The following HTR1A variants were observed in gnomAD, a reference collection of about 807,000 sequenced individuals.
HTR1A encodes 5-HT1a receptor.
Under a neutral mutation model 24.6 loss-of-function variants are expected in HTR1A, and 17 were observed. That is an observed-to-expected ratio of 0.69 (90% CI 0.47 to 1.04). The LOEUF is 1.04. Among genes scored for constraint, HTR1A ranks in the 50% least tolerant of loss-of-function variants. The probability of loss-of-function intolerance (pLI) is 0.00; values close to 1 mark genes in which losing one functional copy is unlikely to be tolerated. For synonymous variants in HTR1A, 262 were observed against 244.6 expected (o/e 1.07, Z -0.67); for missense variants, 515 against 565.1 (o/e 0.91, Z 0.90).
chr5:63,961,298 G>T lies in HTR1A; in HGVS notation c.422C>A (p.Pro141His). Residue 141 changes from proline to histidine, a missense_variant, in exon 1 of 1, where the codon CCC becomes CAC. Pro to His is a moderately conservative substitution (Grantham distance 77). Around this residue, in one of 3 missense-constraint regions of HTR1A, gnomAD observed 381 missense variants for 384.5 expected, o/e 0.99. Coordinates refer to ENST00000323865, the MANE Select transcript of HTR1A (RefSeq NM_000524.4). Reference sequence around the variant, plus strand: ...CGTCCTCTTGTTCACGTAGTCGATGGGGTCCGTGATGGCCCAGTACCTGTC... The same window carrying T: ...CGTCCTCTTGTTCACGTAGTCGATGTGGTCCGTGATGGCCCAGTACCTGTC... ...ALDRYWAITD[P>H]IDYVNKRTPR... The T allele has an allele frequency of 6.2e-7, 1 of 1,614,118 alleles. No individual in the cohort carries two copies. The highest frequency in any genetic ancestry group is 8.5e-7 in the Non-Finnish European group (1 of 1,179,990).
Position 63,961,640 on chromosome 5 carries a change from C to G in HTR1A, c.80G>C (p.Gly27Ala). The change falls in exon 1 of 1, where the codon GGT (glycine) becomes GCT (alanine). Residue 27 changes from glycine to alanine, a missense_variant. Transcript: ENST00000323865. ...GTAGCTGACGGTCACGTCGGAGATA[C>G]CAGTAGTGTTGCCGCCGGTCTCAAA... ...APFETGGNTTGISDVTVSYQV... is the reference protein window; with the variant it reads ...APFETGGNTTAISDVTVSYQV... The G allele has an allele frequency of 6.2e-7, 1 of 1,613,896 alleles. No homozygotes were observed. The highest frequency in any genetic ancestry group is 8.5e-7 in the Non-Finnish European group (1 of 1,180,036).
rs1160086775 is a variant in HTR1A, at chr5:63,959,819, A to G, written c.*632T>C. 6.6e-6 allele frequency among the ~76,000 whole-genome samples: 1 copy of G among 152,204 alleles called. No individual in the cohort carries two copies. Among genetic ancestry groups the G allele is most frequent in the Non-Finnish European group, 1.5e-5 (1 of 68,034 alleles). ...TCTCAAGTCTGCGAGAAGACGGGGAATCCCGGGGGCACCGCTGGCACGGGG... is the reference window on the plus strand; with the variant it reads ...TCTCAAGTCTGCGAGAAGACGGGGAGTCCCGGGGGCACCGCTGGCACGGGG... On this transcript the variant is annotated 3_prime_UTR_variant, in exon 1 of 1. Coordinates refer to ENST00000323865, the MANE Select transcript of HTR1A (RefSeq NM_000524.4).
In HTR1A at chr5:63,961,710, G is replaced by C; in HGVS notation, c.10C>G (p.Leu4Val). Residue 4 changes from leucine to valine, a missense_variant, in exon 1 of 1, where the codon CTC (leucine) becomes GTC (valine). Leu to Val is a conservative substitution (Grantham distance 32, BLOSUM62 1). Transcript: ENST00000323865. MDV[L>V]SPGQGNNTTS... ...GTGTTGTTGCCCTGACCAGGGCTGAGCACATCCATGCCTGCGCGCCCGGCG... is the reference window on the plus strand; with the variant it reads ...GTGTTGTTGCCCTGACCAGGGCTGACCACATCCATGCCTGCGCGCCCGGCG... 6.2e-7 allele frequency: 1 copy of C among 1,613,810 alleles called. No individual in the cohort carries two copies. The highest frequency in any genetic ancestry group is 8.5e-7 in the Non-Finnish European group (1 of 1,180,048).
chr5:63,959,767 G>T lies in HTR1A; in HGVS notation c.*684C>A, dbSNP rs557317231. 2.6e-5 allele frequency among the ~76,000 whole-genome samples: 4 copies of T among 152,314 alleles called. No individual in the cohort carries two copies. The highest frequency in any genetic ancestry group is 9.6e-5 in the African/African-American group (4 of 41,572). ...GAGTCCAAGGAAACAAAGGAAATAG[G>T]GGTTGTGCACTGCACGAGAGAGTTA... On this transcript the variant is annotated 3_prime_UTR_variant, in exon 1 of 1. Coordinates refer to ENST00000323865, the MANE Select transcript of HTR1A (RefSeq NM_000524.4).
In HTR1A at chr5:63,959,129, G is replaced by A. The variant is rs1185584058; in HGVS notation, c.*1322C>T. Among the ~76,000 whole-genome samples, 1 of 152,232 alleles carries A rather than the reference G, an allele frequency of 6.6e-6. No individual in the cohort carries two copies. Among genetic ancestry groups the A allele is most frequent in the East Asian group, 1.9e-4 (1 of 5,190 alleles). On this transcript the variant is annotated 3_prime_UTR_variant, in exon 1 of 1. Coordinates refer to ENST00000323865, the MANE Select transcript of HTR1A (RefSeq NM_000524.4). Reference sequence around the variant, plus strand: ...TTATTCCCCGATCCAAAAAGGACAAGAGCGTGAATTAGGAGGAAAAATTCT... The same window carrying A: ...TTATTCCCCGATCCAAAAAGGACAAAAGCGTGAATTAGGAGGAAAAATTCT...
chr5:63,959,669 CT>C lies in HTR1A; in HGVS notation c.*781del, dbSNP rs1345430265. ...AAGTGGTCTGCACACCCTCCTCCTC[CT>C]TGCTCTCCCCCACTGGCCCGGCCTT... On this transcript the variant is annotated 3_prime_UTR_variant, in exon 1 of 1. Transcript: ENST00000323865. Among the ~76,000 whole-genome samples the C allele has an allele frequency of 6.6e-6, 1 of 152,232 alleles. No homozygotes were observed. Among genetic ancestry groups the C allele is most frequent in the Non-Finnish European group, 1.5e-5 (1 of 68,034 alleles).
At position 63,959,967 on chromosome 5, in the gene HTR1A, G is replaced by A. The variant is rs1292521924; in HGVS notation, c.*484C>T. Among the ~76,000 whole-genome samples the A allele has an allele frequency of 6.6e-6, 1 of 152,198 alleles. No individual in the cohort carries two copies. The highest frequency in any genetic ancestry group is 1.5e-5 in the Non-Finnish European group (1 of 68,040). ...GGGGAGAAAAAGGTGAATATTTCAA[G>A]GGCCACAGGGCGGGAGAGATGGAGC... On this transcript the variant is annotated 3_prime_UTR_variant, in exon 1 of 1. Transcript: ENST00000323865.
Position 63,961,585 on chromosome 5 carries a change from C to T in HTR1A, c.135G>A (p.Thr45=), listed in dbSNP as rs776942675. ...TGCCCAGCACCGCGCAGAAGATGAG[C>T]GTGCCCAGCAGCAGAGAGGTGATCA... ...YQVITSLLLG[T]LIFCAVLGNA... Residue 45 remains threonine (T), a synonymous_variant, in exon 1 of 1, where the codon ACG becomes ACA. Transcript: ENST00000323865. The T allele has an allele frequency of 1.9e-6, 3 of 1,614,134 alleles. No individual in the cohort carries two copies. Among genetic ancestry groups the T allele is most frequent in the Non-Finnish European group, 2.5e-6 (3 of 1,180,040 alleles).
chr5:63,960,503 T>C lies in HTR1A; in HGVS notation c.1217A>G (p.Asp406Gly). ...NPVIYAYFNK[D>G]FQNAFKKIIK... ...GATCTTCTTAAACGCGTTTTGAAAG[T>C]CCTTGTTGAAGTATGCGTAAATGAC... is the stretch of plus-strand genomic sequence containing the variant. The change falls in exon 1 of 1, where the codon GAC becomes GGC. Residue 406 changes from aspartate to glycine, a missense_variant. By Grantham distance (94) the Asp-to-Gly change is moderately conservative. Coordinates refer to ENST00000323865, the MANE Select transcript of HTR1A (RefSeq NM_000524.4). 1 of 1,614,228 alleles carries C rather than the reference T, an allele frequency of 6.2e-7. No individual in the cohort carries two copies. The highest frequency in any genetic ancestry group is 8.5e-7 in the Non-Finnish European group (1 of 1,180,042).
At position 63,961,747 on chromosome 5, in the gene HTR1A, A is replaced by C. The variant is rs201479355; in HGVS notation, c.-28T>G. 7.4e-6 allele frequency: 12 copies of C among 1,612,270 alleles called. No homozygotes were observed. In the African/African-American group the frequency reaches 1.6e-4, roughly 21 times the overall value. On this transcript the variant is annotated 5_prime_UTR_variant, in exon 1 of 1. Transcript: ENST00000323865. ...CTGCGCGCCCGGCGCGGGAAGGGGGAGGGAAGAAAAAGCAGCGCGAAGATT... is the reference window on the plus strand; with the variant it reads ...CTGCGCGCCCGGCGCGGGAAGGGGGCGGGAAGAAAAAGCAGCGCGAAGATT...
rs570704585 is a variant in HTR1A, at chr5:63,959,419, C to T, written c.*1032G>A. On this transcript the variant is annotated 3_prime_UTR_variant, in exon 1 of 1. Transcript: ENST00000323865. The stretch of plus-strand genomic sequence containing the variant: ...TCCTGTAAGTCAGCAGCCGGGAGCG[C>T]CTAGCGCGCTGCGAGAGCACAGATG... Among the ~76,000 whole-genome samples the T allele has an allele frequency of 1.6e-4, 25 of 152,360 alleles. 1 individual carries two copies. Among genetic ancestry groups the T allele is most frequent in the African/African-American group, 6.0e-4 (25 of 41,590 alleles).
At position 63,958,028 on chromosome 5, in the gene HTR1A, C is replaced by CA. The variant is rs1471733553; in HGVS notation, c.*2422dup. 1.3e-5 allele frequency: 2 copies of CA among 152,286 alleles called. No individual in the cohort carries two copies. The highest frequency in any genetic ancestry group is 3.9e-4 in the East Asian group (2 of 5,186). The allele number at this position is 152,286 out of a possible 1,614,324, so 9.4% of individuals were successfully genotyped here. On this transcript the variant is annotated 3_prime_UTR_variant, in exon 1 of 1. Coordinates refer to ENST00000323865, the MANE Select transcript of HTR1A (RefSeq NM_000524.4). ...TTGTCACACAATTCTGTAAAAGACA[C>CA]AAATAAATGGAAGTCTCAAAACTTC...
rs987797166 is a variant in HTR1A at position 63,959,172 on chromosome 5, T to C, written c.*1279A>G. Among the ~76,000 whole-genome samples the C allele has an allele frequency of 2.0e-5, 3 of 152,272 alleles. No individual in the cohort carries two copies. Among genetic ancestry groups the C allele is most frequent in the South Asian group, 2.1e-4 (1 of 4,826 alleles). ...AAAATTCTACATCGTAAGGATAAAA[T>C]TGCTCTTTCAGGTTTTACTGGGGGA... On this transcript the variant is annotated 3_prime_UTR_variant, in exon 1 of 1. Transcript: ENST00000323865.
Position 63,959,915 on chromosome 5 carries a change from G to A in HTR1A, c.*536C>T, listed in dbSNP as rs1009367751. Among the ~76,000 whole-genome samples the A allele has an allele frequency of 6.6e-6, 1 of 152,018 alleles. No homozygotes were observed. Among genetic ancestry groups the A allele is most frequent in the Non-Finnish European group, 1.5e-5 (1 of 68,030 alleles). On this transcript the variant is annotated 3_prime_UTR_variant, in exon 1 of 1. Coordinates refer to ENST00000323865, the MANE Select transcript of HTR1A (RefSeq NM_000524.4). ...AGGATGGGCGAGGGCAGAGAGGGAA[G>A]CAATGAAAAAAAGAAAAGATAAAAA...
At position 63,961,483 on chromosome 5, in the gene HTR1A, C is replaced by T. The variant is rs1372481454; in HGVS notation, c.237G>A (p.Ala79=). 3.7e-6 allele frequency: 6 copies of T among 1,613,922 alleles called. No homozygotes were observed. Among genetic ancestry groups the T allele is most frequent in the Middle Eastern group, 1.6e-4 (1 of 6,084 alleles). ...NVANYLIGSL[A]VTDLMVSVLV... is the part of the protein sequence containing the mutation. The stretch of plus-strand genomic sequence containing the variant: ...ACACCGACACCATGAGGTCGGTGAC[C>T]GCCAAAGAGCCAATAAGATAATTGG... Residue 79 remains alanine, a synonymous_variant, in exon 1 of 1, where the codon GCG becomes GCA. Transcript: ENST00000323865.
rs1043963702 is a variant in HTR1A, at chr5:63,958,848, C to T, written c.*1603G>A. On this transcript the variant is annotated 3_prime_UTR_variant, in exon 1 of 1. Coordinates refer to ENST00000323865, the MANE Select transcript of HTR1A (RefSeq NM_000524.4). The stretch of plus-strand genomic sequence containing the variant: ...TGGTTTCCGCAGACCCTTGGTACAG[C>T]AGAATGGTCACGCTAGGGAGCAATT... Among the ~76,000 whole-genome samples the T allele has an allele frequency of 1.3e-5, 2 of 152,302 alleles. No homozygotes were observed. The highest frequency in any genetic ancestry group is 2.4e-5 in the African/African-American group (1 of 41,570).
In HTR1A at chr5:63,961,656, C is replaced by T. The variant is rs1799920; in HGVS notation, c.64G>A (p.Gly22Ser). ...TTSPPAPFETGGNTTGISDVT... is the reference protein window; with the variant it reads ...TTSPPAPFETSGNTTGISDVT... ...TCGGAGATACCAGTAGTGTTGCCGC[C>T]GGTCTCAAAGGGAGCCGGTGGTGAT... Residue 22 changes from glycine (G) to serine (S), a missense_variant, in exon 1 of 1, where the codon GGC (glycine) becomes AGC (serine). Gly to Ser is a moderately conservative substitution (Grantham distance 56, BLOSUM62 0). Around this residue, in one of 3 missense-constraint regions of HTR1A, gnomAD observed 54 missense variants for 49.8 expected, o/e 1.08. Coordinates refer to ENST00000323865, the MANE Select transcript of HTR1A (RefSeq NM_000524.4). 1.4e-4 allele frequency: 220 copies of T among 1,613,734 alleles called. No individual in the cohort carries two copies. Among genetic ancestry groups the T allele is most frequent in the South Asian group, 1.1e-5 (1 of 91,090 alleles).
rs977916515 is a variant in HTR1A, at chr5:63,960,435, G to A, written c.*16C>T. ...ACGGATCCTGTAGCCTCGACTGGCC[G>A]GCTACTCCTCCGTCATCACTGGCGG... On this transcript the variant is annotated 3_prime_UTR_variant, in exon 1 of 1. Coordinates refer to ENST00000323865, the MANE Select transcript of HTR1A (RefSeq NM_000524.4). 1 of 1,613,602 alleles carries A rather than the reference G, an allele frequency of 6.2e-7. No individual in the cohort carries two copies. Among genetic ancestry groups the A allele is most frequent in the Non-Finnish European group, 8.5e-7 (1 of 1,179,574 alleles).
In HTR1A at chr5:63,961,455, C is replaced by T; in HGVS notation, c.265G>A (p.Val89Met). 1 of 1,613,984 alleles carries T rather than the reference C, an allele frequency of 6.2e-7. No homozygotes were observed. Among genetic ancestry groups the T allele is most frequent in the Non-Finnish European group, 8.5e-7 (1 of 1,179,910 alleles). ...AVTDLMVSVL[V>M]LPMAALYQVL... ...TGATACAGCGCGGCCATGGGCAGCACCAACACCGACACCATGAGGTCGGTG... is the reference window on the plus strand; with the variant it reads ...TGATACAGCGCGGCCATGGGCAGCATCAACACCGACACCATGAGGTCGGTG... Residue 89 changes from valine to methionine, a missense_variant, in exon 1 of 1, where the codon GTG (valine) becomes ATG (methionine). Physicochemically the swap from Val to Met is conservative, Grantham distance 21. This residue lies in a region of HTR1A where 80 missense variants were observed against 130.8 expected (regional missense o/e 0.61). Transcript: ENST00000323865.
Sources: allele counts gnomAD v4.1 joint callset (sites outside exome capture counted in the v4.1 genomes callset), GRCh38; gene constraint gnomAD v4.1.1; regional missense constraint gnomAD v4.1.1; transcripts MANE v1.5; gene names NCBI Gene and HGNC (gene_info 2026-07-23, HGNC 2026-07-21).